Variants in GALNTL6 observed in about 807,000 individuals in gnomAD.
GALNTL6 encodes polypeptide N-acetylgalactosaminyltransferase like 6, also known as polypeptide N-acetylgalactosaminyltransferase-like 6.
Under a neutral mutation model 73.7 loss-of-function variants are expected in GALNTL6, and 46 were observed. That is an observed-to-expected ratio of 0.62 (90% CI 0.49 to 0.80). The LOEUF is 0.80. GALNTL6 is among the 30% of genes least tolerant of loss of function. The pLI is 0.00. For missense variants in GALNTL6, 604 were observed against 755.0 expected, an observed-to-expected ratio of 0.80 and a Z score of 2.34; for synonymous variants, 259 against 263.7, an observed-to-expected ratio of 0.98 and a Z score of 0.17.
chr4:172,034,330 TA>T (rs1741862841), intron 2 of GALNTL6, among the ~76,000 whole-genome samples: 1 of 151,308 alleles, frequency 6.6e-6, no homozygotes, highest in Non-Finnish European at 1.5e-5. Flanking sequence ...GTATAGGTCA[TA>T]GGGGCAGGCA....
intron 5 of GALNTL6, among the ~76,000 whole-genome samples, chr4:172,537,516 C>T (rs1039238290): frequency 2.6e-5 from 4 of 152,208 alleles, no homozygotes; most frequent in Non-Finnish European, 4.4e-5. Context: ...TGTGAGGCCT[C>T]CCTGGCCCAG....
At chr4:171,840,246 A>G (rs1735204420) in intron 2 of GALNTL6, among the ~76,000 whole-genome samples, 1 of 152,200 alleles carries the variant, frequency 6.6e-6, no homozygotes, top group South Asian at 2.1e-4. Context: ...TTTACTTTTC[A>G]TGAAGATTGA....
chr4:172,351,713 G>A (rs1336631464), intron 5 of GALNTL6, among the ~76,000 whole-genome samples: 1 of 152,190 alleles, frequency 6.6e-6, no homozygotes, highest in African/African-American at 2.4e-5. Flanking sequence ...GATTAAGTAG[G>A]ATAGATAAAT....
intron 10 of GALNTL6, among the ~76,000 whole-genome samples, chr4:172,994,506 T>A (rs887908741): frequency 3.3e-5 from 5 of 152,168 alleles, no homozygotes; most frequent in African/African-American, 1.2e-4. Flanking sequence ...TTCAGGGAAG[T>A]AGTTATACCA....
intron 5 of GALNTL6, among the ~76,000 whole-genome samples, chr4:172,365,811 A>G (rs1454906816): frequency 6.6e-6 from 1 of 152,190 alleles, no homozygotes; most frequent in East Asian, 1.9e-4. Context: ...AACCTTGACA[A>G]AAATCAAAGA....
At chr4:172,045,094 T>A (rs1392134041) in intron 2 of GALNTL6, among the ~76,000 whole-genome samples, 1 of 152,072 alleles carries the variant, frequency 6.6e-6, no homozygotes, top group African/African-American at 2.4e-5. Flanking sequence ...TTAGCTGACA[T>A]TTTACCTTCA....
intron 2 of GALNTL6, among the ~76,000 whole-genome samples, chr4:171,890,571 T>C (rs1736732434): frequency 3.9e-5 from 6 of 152,184 alleles, no homozygotes; most frequent in African/African-American, 1.4e-4. Flanking sequence ...TATAATAACC[T>C]GATGGCAATA....
chr4:172,324,610 T>C (rs1031771815), intron 4 of GALNTL6, among the ~76,000 whole-genome samples: 1 of 151,314 alleles, frequency 6.6e-6, no homozygotes, highest in African/African-American at 2.4e-5. Flanking sequence ...TTGGCTACTA[T>C]ATTTAATAAT....
chr4:171,836,755 C>T (rs574342388), intron 2 of GALNTL6, among the ~76,000 whole-genome samples: 6 of 152,198 alleles, frequency 3.9e-5, no homozygotes, highest in Admixed American at 3.9e-4. Flanking sequence ...GGCATTTTCA[C>T]ATGAGAGTTG....
chr4:172,516,732 C>G (rs1305634487), intron 5 of GALNTL6, among the ~76,000 whole-genome samples: 1 of 151,992 alleles, frequency 6.6e-6, no homozygotes, highest in East Asian at 1.9e-4. Flanking sequence ...ATTTGTATAT[C>G]CATGTTTATA....
intron 5 of GALNTL6, among the ~76,000 whole-genome samples, chr4:172,483,608 A>T (rs1327971799): frequency 6.6e-6 from 1 of 152,228 alleles, no homozygotes; most frequent in East Asian, 1.9e-4. Flanking sequence ...AGTGAAAAAC[A>T]ATAGAAAATT....
At chr4:172,098,417 G>A (rs1732420056) in intron 2 of GALNTL6, among the ~76,000 whole-genome samples, 2 of 152,042 alleles carry the variant, frequency 1.3e-5, no homozygotes, top group African/African-American at 2.4e-5. Context: ...ATTTTCCAGA[G>A]AGAAAAGCCA....
At chr4:172,212,502 T>C (rs1052347291) in intron 2 of GALNTL6, among the ~76,000 whole-genome samples, 1 of 152,008 alleles carries the variant, frequency 6.6e-6, no homozygotes, top group East Asian at 1.9e-4. Flanking sequence ...TTCCCTGTTT[T>C]TCATGTAAAA....
intron 4 of GALNTL6, among the ~76,000 whole-genome samples, chr4:172,329,219 A>G (rs1349372841): frequency 6.6e-6 from 1 of 152,212 alleles, no homozygotes; most frequent in Non-Finnish European, 1.5e-5. Flanking sequence ...CAAGACAGCA[A>G]AGATGGCAAC....
At chr4:172,853,040 A>G (rs1232924923) in intron 7 of GALNTL6, among the ~76,000 whole-genome samples, 1 of 152,228 alleles carries the variant, frequency 6.6e-6, no homozygotes, top group Non-Finnish European at 1.5e-5. Flanking sequence ...TTAACGACTT[A>G]AACAACACCC....
At chr4:171,990,631 A>G (rs1321063394) in intron 2 of GALNTL6, among the ~76,000 whole-genome samples, 1 of 152,210 alleles carries the variant, frequency 6.6e-6, no homozygotes, top group Non-Finnish European at 1.5e-5. Flanking sequence ...TATTTTAATT[A>G]TGAGCATGCA....
intron 4 of GALNTL6, among the ~76,000 whole-genome samples, chr4:172,343,545 A>G (rs183754906): frequency 6.6e-6 from 1 of 152,292 alleles, no homozygotes; most frequent in Non-Finnish European, 1.5e-5. Context: ...TTATTTTAAT[A>G]AAATCAATGA....
At chr4:172,232,798 T>A (rs1181790289) in intron 3 of GALNTL6, among the ~76,000 whole-genome samples, 1 of 152,194 alleles carries the variant, frequency 6.6e-6, no homozygotes, top group Non-Finnish European at 1.5e-5. Context: ...TTTTTTATGC[T>A]ATGGGGACAT....
At chr4:171,849,627 AT>A (rs747298646) in intron 2 of GALNTL6, among the ~76,000 whole-genome samples, 2 of 152,292 alleles carry the variant, frequency 1.3e-5, no homozygotes, top group South Asian at 4.1e-4. Flanking sequence ...AAATAGGTAA[AT>A]TTACATTGAG....
Sources: gnomAD v4.1 joint callset for allele counts (sites outside exome capture counted in the v4.1 genomes callset) on GRCh38, gnomAD v4.1.1 for gene constraint, MANE v1.5 for transcripts, NCBI Gene and HGNC (gene_info 2026-07-23, HGNC 2026-07-21) for gene names.